ECE1: variants seen among roughly 807,000 people sequenced by gnomAD.
ECE1 encodes endothelin-converting enzyme 1.
Under a neutral mutation model 98.6 loss-of-function variants are expected in ECE1, and 35 were observed. The observed-to-expected ratio is 0.35, with a 90% CI of 0.27 to 0.47. The LOEUF is 0.47. ECE1 is among the 20% of genes least tolerant of loss of function. ECE1 has a pLI of 1.00. For missense variants in ECE1, 814 were observed against 1,025.3 expected, an observed-to-expected ratio of 0.79 and a Z score of 2.81; for synonymous variants, 394 against 407.1, an observed-to-expected ratio of 0.97 and a Z score of 0.39.
At chr1:21,310,779 C>A (rs1019421572) in intron 1 of ECE1, among the ~76,000 whole-genome samples, 57 of 152,232 alleles carry the variant, frequency 3.7e-4, no homozygotes, top group African/African-American at 1.3e-3. Context: ...CTGCTCTGTC[C>A]CTGATCATAA....
chr1:21,262,207 G>T (rs114434480), intron 4 of ECE1, among the ~76,000 whole-genome samples: 1 of 152,140 alleles, frequency 6.6e-6, no homozygotes, highest in African/African-American at 2.4e-5. Context: ...CAGGGTCAGG[G>T]GCCTGAACGA....
upstream of ECE1, among the ~76,000 whole-genome samples, chr1:21,294,966 T>C (rs954704975): frequency 6.6e-6 from 1 of 152,230 alleles, no homozygotes; most frequent in Non-Finnish European, 1.5e-5. This position sits in a 1 kb window ranked among gnomAD's most constrained non-coding sequence, Gnocchi z 4.2. Context: ...AATCTTTACA[T>C]GTCATCTAAA....
At chr1:21,301,827 GAAAAAAAAAA>G (rs34861827) in intron 1 of ECE1, among the ~76,000 whole-genome samples, 32 of 33,942 alleles carry the variant, frequency 9.4e-4, no homozygotes, top group South Asian at 2.3e-3. Flanking sequence ...CCCTGTCTCA[GAAAAAAAAAA>G]AAAAAAAAAA....
At chr1:21,301,535 G>T (rs938397812) in intron 1 of ECE1, among the ~76,000 whole-genome samples, 1 of 151,788 alleles carries the variant, frequency 6.6e-6, no homozygotes, top group African/African-American at 2.4e-5. Flanking sequence ...GCCAATTCAT[G>T]CTGGGTGCAG....
chr1:21,248,105 A>G (rs563255696), intron 8 of ECE1, among the ~76,000 whole-genome samples: 15 of 152,232 alleles, frequency 9.9e-5, no homozygotes, highest in Non-Finnish European at 2.1e-4. Context: ...AGGGTTGAAC[A>G]TTAACTTTCA....
chr1:21,323,636 A>C lies in ECE1; in HGVS notation c.3+21740T>G, dbSNP rs77055815. Among the ~76,000 whole-genome samples, 385 of 43,124 alleles carry C rather than the reference A, an allele frequency of 8.9e-3. 2 individuals are homozygous for C. The highest frequency in any genetic ancestry group is 0.043 in the East Asian group (87 of 2,036). 28.3% of individuals were successfully genotyped at this position (43,124 alleles called of 152,430 possible). ...GGCACCCCGTCCCAAAAAACTAAAAATAAAATAAAATAAAATAAAATAAAA... is the reference window on the plus strand; with the variant it reads ...GGCACCCCGTCCCAAAAAACTAAAACTAAAATAAAATAAAATAAAATAAAA... On this transcript the variant is annotated intron_variant, in intron 1 of 18. Coordinates refer to the ECE1 transcript ENST00000415912.
At chr1:21,238,033 A>G in intron 11 of ECE1, 101 bp downstream of exon 11, 2 of 1,056,540 alleles carry the variant, frequency 1.9e-6, no homozygotes, top group Non-Finnish European at 2.9e-6. Flanking sequence ...CCTGCCCAGG[A>G]GCAGGAAAGG....
intron 1 of ECE1, among the ~76,000 whole-genome samples, chr1:21,300,271 C>T (rs557175494): frequency 1.8e-4 from 28 of 152,356 alleles, no homozygotes; most frequent in African/African-American, 6.5e-4. Flanking sequence ...AGAAGAACAC[C>T]AGGCTTGGAG....
At chr1:21,238,491 A>G in intron 10 of ECE1, 1 of 573,856 alleles carries the variant, frequency 1.7e-6, no homozygotes, top group Non-Finnish European at 3.1e-6. Flanking sequence ...CCGTTGAGCC[A>G]TTCAATGACC....
intron 1 of ECE1, among the ~76,000 whole-genome samples, chr1:21,331,842 T>G (rs1639206460): frequency 6.6e-6 from 1 of 152,204 alleles, no homozygotes; most frequent in South Asian, 2.1e-4. Context: ...TTATTATTAC[T>G]GCTAAGACTA....
intron 8 of ECE1, among the ~76,000 whole-genome samples, chr1:21,248,148 G>T (rs1454626312): frequency 6.6e-6 from 1 of 151,994 alleles, no homozygotes; most frequent in East Asian, 1.9e-4. Flanking sequence ...CTCAGCTAAT[G>T]CACACAGCAG....
At position 21,260,823 on chromosome 1, in the gene ECE1, T is replaced by C. The variant is rs1054890350; in HGVS notation, c.494-431A>G. 6.6e-6 allele frequency among the ~76,000 whole-genome samples: 1 copy of C among 152,198 alleles called. No individual in the cohort carries two copies. Among genetic ancestry groups the C allele is most frequent in the African/African-American group, 2.4e-5 (1 of 41,426 alleles). On this transcript the variant is annotated intron_variant, in intron 4 of 18. Coordinates refer to ENST00000374893, the MANE Select transcript of ECE1 (RefSeq NM_001397.3). The surrounding 1 kb of genome is among the most constrained non-coding windows in gnomAD (Gnocchi z 4.3). ...TCTTGTGATAAAGACTGAAGTTGGA[T>C]GGAAACTCAAAAGGCTCATTCATTA...
intron 4 of ECE1, among the ~76,000 whole-genome samples, chr1:21,271,600 T>A (rs1012084025): frequency 6.6e-6 from 1 of 152,116 alleles, no homozygotes; most frequent in African/African-American, 2.4e-5. Context: ...GAGACAGCCA[T>A]GGTCCCAGCT....
intron 1 of ECE1, among the ~76,000 whole-genome samples, chr1:21,344,385 CTT>C (rs1639456687): frequency 6.6e-6 from 1 of 152,228 alleles, no homozygotes. Flanking sequence ...TACATGGTGA[CTT>C]TGACCCACTT....
At chr1:21,325,136 T>G (rs1434836649) in intron 1 of ECE1, among the ~76,000 whole-genome samples, 1 of 152,208 alleles carries the variant, frequency 6.6e-6, no homozygotes, top group Admixed American at 6.5e-5. Context: ...GGATTCAATT[T>G]CTTCATTAGC....
At chr1:21,265,577 A>G (rs1219926422) in intron 4 of ECE1, among the ~76,000 whole-genome samples, 3 of 152,132 alleles carry the variant, frequency 2.0e-5, no homozygotes, top group African/African-American at 4.8e-5. Context: ...CTTTTTCTGA[A>G]TAAGAAAAAG....
intron 2 of ECE1, among the ~76,000 whole-genome samples, chr1:21,284,760 A>T (rs1428937188): frequency 6.6e-6 from 1 of 152,168 alleles, no homozygotes; most frequent in Non-Finnish European, 1.5e-5. Context: ...GAGCCAGGTG[A>T]AGCCAGGTTT....
rs1443806137 is a variant in ECE1, at chr1:21,238,051, T to C, written c.1389+83A>G. On this transcript the variant is annotated intron_variant, in intron 11 of 18. Coordinates refer to ENST00000374893, the MANE Select transcript of ECE1 (RefSeq NM_001397.3). The stretch of plus-strand genomic sequence containing the variant: ...GCCCAGGAGCAGGAAAGGCCCAGGG[T>C]GGGCTGGAGTGTGAACTGGCAGGTC... 3 of 1,276,324 alleles carry C rather than the reference T, an allele frequency of 2.4e-6. No homozygotes were observed. The African/African-American group carries it at 4.4e-5, about 19-fold the overall frequency. The allele number at this position is 1,276,324 out of a possible 1,614,324, so 79.1% of individuals were successfully genotyped here. A position where few individuals can be genotyped will look rare whatever the true frequency, so the allele number is the denominator to read the frequency against.
intron 10 of ECE1, among the ~76,000 whole-genome samples, chr1:21,240,897 C>T (rs146278755): frequency 5.3e-5 from 8 of 152,368 alleles, no homozygotes; most frequent in East Asian, 3.9e-4. Flanking sequence ...TTCCTTCACA[C>T]GAGCTTTCAT....
Sources: allele counts gnomAD v4.1 joint callset (sites outside exome capture counted in the v4.1 genomes callset), GRCh38; gene constraint gnomAD v4.1.1; non-coding constraint Gnocchi (gnomAD v3.1); transcripts MANE v1.5; gene names NCBI Gene and HGNC (gene_info 2026-07-23, HGNC 2026-07-21).